Variants in MAML2 observed in about 807,000 individuals in gnomAD.
MAML2 encodes mastermind-like protein 2.
A neutral mutation model predicts 96.1 loss-of-function variants in MAML2; 22 were observed. That is an observed-to-expected ratio of 0.23 (90% CI 0.16 to 0.33). MAML2 has a LOEUF of 0.33. MAML2 is among the 10% of genes least tolerant of loss of function. The pLI, the probability that MAML2 is intolerant of heterozygous loss-of-function variation, is 1.00. For missense variants in MAML2, 1,367 were observed against 1,392.4 expected (o/e 0.98, Z 0.29); for synonymous variants, 561 against 521.3 (o/e 1.08, Z -1.04).
At chr11:96,125,836 G>C (rs888707864) in intron 1 of MAML2, among the ~76,000 whole-genome samples, 1 of 152,276 alleles carries the variant, frequency 6.6e-6, no homozygotes, top group South Asian at 2.1e-4. Flanking sequence ...TTGGCCATGA[G>C]GCTGATGTAG....
intron 2 of MAML2, among the ~76,000 whole-genome samples, chr11:96,028,832 A>G (rs986528657): frequency 1.3e-5 from 2 of 152,202 alleles, no homozygotes; most frequent in African/African-American, 4.8e-5. Flanking sequence ...TTACTTCCTG[A>G]AACACATAAT....
rs370769584 is a variant in MAML2, at chr11:96,187,433, A to C, written c.514-93916T>G. 1.6e-4 allele frequency among the ~76,000 whole-genome samples: 25 copies of C among 152,366 alleles called. No individual in the cohort carries two copies. In the East Asian group the frequency reaches 4.8e-3, roughly 29 times the overall value. On this transcript the variant is annotated intron_variant, in intron 1 of 4. Coordinates refer to ENST00000524717, the MANE Select transcript of MAML2 (RefSeq NM_032427.4). ...TGAGGTATAAACGTAGCTTCACTTAAGGAATCACTGCTGATCCTATCCCAG... is the reference window on the plus strand; with the variant it reads ...TGAGGTATAAACGTAGCTTCACTTACGGAATCACTGCTGATCCTATCCCAG...
chr11:96,341,973 G>GT lies in MAML2; in HGVS notation c.-79dup. Reference sequence around the variant, plus strand: ...ACTGCTGGCTATTGCAGGCAAGTCTGTTTTTGACAATGTGAGCTCAGTGTT... The same window carrying GT: ...ACTGCTGGCTATTGCAGGCAAGTCTGTTTTTTGACAATGTGAGCTCAGTGTT... On this transcript the variant is annotated 5_prime_UTR_variant, in exon 1 of 5. Transcript: ENST00000524717. 1 of 1,385,414 alleles carries GT rather than the reference G, an allele frequency of 7.2e-7. No individual in the cohort carries two copies. Among genetic ancestry groups the GT allele is most frequent in the Non-Finnish European group, 9.5e-7 (1 of 1,051,194 alleles). The allele number at this position is 1,385,414 out of a possible 1,614,324, so 85.8% of individuals were successfully genotyped here. A position where few individuals can be genotyped will look rare whatever the true frequency, so the allele number is the denominator to read the frequency against.
chr11:96,169,122 C>A (rs1231136591), intron 1 of MAML2, among the ~76,000 whole-genome samples: 2 of 152,184 alleles, frequency 1.3e-5, no homozygotes, highest in Non-Finnish European at 1.5e-5. Context: ...GACTCCCATG[C>A]AGGGAATTAC....
At chr11:96,281,160 T>C (rs1350980043) in intron 1 of MAML2, among the ~76,000 whole-genome samples, 1 of 152,124 alleles carries the variant, frequency 6.6e-6, no homozygotes, top group Admixed American at 6.5e-5. Context: ...TCATAAAAAG[T>C]GTATGTATGG....
intron 1 of MAML2, among the ~76,000 whole-genome samples, chr11:96,157,545 G>C (rs903499650): frequency 2.0e-5 from 3 of 152,190 alleles, no homozygotes; most frequent in Non-Finnish European, 2.9e-5. Context: ...TCACTGGCAA[G>C]AATAACATGC....
intron 1 of MAML2, among the ~76,000 whole-genome samples, chr11:96,312,219 CAAAAAAAAAAAAA>C (rs34658278): frequency 5.8e-5 from 3 of 51,554 alleles, no homozygotes; most frequent in African/African-American, 1.9e-4. Flanking sequence ...GACTCTATCT[CAAAAAAAAAAAAA>C]AAAAAAAAAA....
chr11:96,119,536 G>C (rs993810628), intron 1 of MAML2, among the ~76,000 whole-genome samples: 6 of 152,168 alleles, frequency 3.9e-5, no homozygotes, highest in African/African-American at 1.4e-4. Flanking sequence ...GTAATGTGAT[G>C]TATTTAAGTT....
rs754268953 is a variant in MAML2, at chr11:96,055,725, C to T, written c.2139+36167G>A. Among the ~76,000 whole-genome samples the T allele has an allele frequency of 2.6e-5, 4 of 152,092 alleles. No homozygotes were observed. In the East Asian group the frequency reaches 7.7e-4, roughly 29 times the overall value. Reference sequence around the variant, plus strand: ...AGAAACAGCCCATGTAACCAAGCGCCGAACATGATTTGAACAACCAACTTA... The same window carrying T: ...AGAAACAGCCCATGTAACCAAGCGCTGAACATGATTTGAACAACCAACTTA... On this transcript the variant is annotated intron_variant, in intron 2 of 4. Transcript: ENST00000524717.
chr11:96,049,297 ATAAAG>A (rs1207311965), intron 2 of MAML2, among the ~76,000 whole-genome samples: 1 of 152,226 alleles, frequency 6.6e-6, no homozygotes, highest in Non-Finnish European at 1.5e-5. Flanking sequence ...AGGTAATAAT[ATAAAG>A]TAGAGAAATT....
chr11:96,079,698 C>T (rs577648996), intron 2 of MAML2, among the ~76,000 whole-genome samples: 2 of 152,288 alleles, frequency 1.3e-5, no homozygotes, highest in Admixed American at 1.3e-4. Flanking sequence ...TAACACTTTC[C>T]CCTTCACACG....
chr11:96,146,500 C>T (rs1860822938), intron 1 of MAML2, among the ~76,000 whole-genome samples: 1 of 152,220 alleles, frequency 6.6e-6, no homozygotes, highest in African/African-American at 2.4e-5. Flanking sequence ...TAAGATATAT[C>T]ACCTGCCAGC....
At chr11:96,225,832 C>CAAA (rs36112117) in intron 1 of MAML2, among the ~76,000 whole-genome samples, 25 of 145,150 alleles carry the variant, frequency 1.7e-4, no homozygotes, top group East Asian at 4.0e-4. Context: ...GACACTATCT[C>CAAA]AAAAAAAAAA....
At chr11:96,339,615 T>C (rs1591140698) in intron 1 of MAML2, among the ~76,000 whole-genome samples, 1 of 152,140 alleles carries the variant, frequency 6.6e-6, no homozygotes, top group East Asian at 1.9e-4. Flanking sequence ...TCACTTGCGG[T>C]TCCATCCCCA....
At chr11:95,991,432 G>A in intron 3 of MAML2, 88 bp downstream of exon 3, 1 of 1,211,834 alleles carries the variant, frequency 8.3e-7, no homozygotes, top group Admixed American at 1.7e-5. Context: ...TGTCACGTAA[G>A]TAGGCACAGT....
rs994240123 is a variant in MAML2, at chr11:96,329,706, T to C, written c.513+11677A>G. ...CCCAATCCCCTGACCAGTACTCTCATACAGTATCACTACGAATAAGTATAG... is the reference window on the plus strand; with the variant it reads ...CCCAATCCCCTGACCAGTACTCTCACACAGTATCACTACGAATAAGTATAG... On this transcript the variant is annotated intron_variant, in intron 1 of 4. Coordinates refer to ENST00000524717, the MANE Select transcript of MAML2 (RefSeq NM_032427.4). 4.6e-5 allele frequency among the ~76,000 whole-genome samples: 7 copies of C among 152,336 alleles called. No individual in the cohort carries two copies. In the East Asian group the frequency reaches 5.8e-4, roughly 13 times the overall value.
At chr11:96,206,463 G>C (rs1425548445) in intron 1 of MAML2, among the ~76,000 whole-genome samples, 1 of 152,136 alleles carries the variant, frequency 6.6e-6, no homozygotes, top group Non-Finnish European at 1.5e-5. Context: ...AGCCAGGCAT[G>C]GTTGTGTACC....
intron 1 of MAML2, among the ~76,000 whole-genome samples, chr11:96,320,082 A>T (rs1248343651): frequency 6.6e-6 from 1 of 152,228 alleles, no homozygotes; most frequent in African/African-American, 2.4e-5. Context: ...AAGATAAGAG[A>T]CATGCAAACT....
Position 96,064,330 on chromosome 11 carries a change from T to C in MAML2, c.2139+27562A>G, listed in dbSNP as rs117482058. Among the ~76,000 whole-genome samples the C allele has an allele frequency of 4.1e-3, 624 of 152,294 alleles. 2 individuals are homozygous for C. Among genetic ancestry groups the C allele is most frequent in the Non-Finnish European group, 7.2e-3 (488 of 68,014 alleles). ...TGGTCAAGTCCGCTCTAGAAAATAATAAGTTCACTGGTCATGTCTCCTCTA... is the reference window on the plus strand; with the variant it reads ...TGGTCAAGTCCGCTCTAGAAAATAACAAGTTCACTGGTCATGTCTCCTCTA... On this transcript the variant is annotated intron_variant, in intron 2 of 4. Coordinates refer to ENST00000524717, the MANE Select transcript of MAML2 (RefSeq NM_032427.4).
Sources: allele counts gnomAD v4.1 joint callset (sites outside exome capture counted in the v4.1 genomes callset), GRCh38; gene constraint gnomAD v4.1.1; transcripts MANE v1.5; gene names NCBI Gene and HGNC (gene_info 2026-07-23, HGNC 2026-07-21).